Variants in ECE1 observed in about 807,000 individuals in gnomAD.
The protein encoded by ECE1 is endothelin-converting enzyme 1.
In ECE1, 35 loss-of-function variants were observed where a neutral mutation model predicts 98.6. The ratio of observed to expected loss-of-function variants is 0.35; its 90% CI spans 0.27 to 0.47. The LOEUF is 0.47. Among genes scored for constraint, ECE1 ranks in the 20% least tolerant of loss-of-function variants. The pLI is 1.00. For synonymous variants in ECE1, 394 were observed against 407.1 expected, an observed-to-expected ratio of 0.97 and a Z score of 0.39; for missense variants, 814 against 1,025.3, an observed-to-expected ratio of 0.79 and a Z score of 2.81.
intron 9 of ECE1, among the ~76,000 whole-genome samples, chr1:21,246,498 CAAAA>C (rs368916726): frequency 1.0e-5 from 1 of 96,718 alleles, no homozygotes. Flanking sequence ...GACTCCATCT[CAAAA>C]AAAAAAAAAA....
Position 21,260,135 on chromosome 1 carries a change from T to C in ECE1, c.615+136A>G. The C allele has an allele frequency of 7.4e-7, 1 of 1,352,122 alleles. No individual in the cohort carries two copies. The highest frequency in any genetic ancestry group is 1.2e-5 in the South Asian group (1 of 84,514). The allele number at this position is 1,352,122 out of a possible 1,614,324, so 83.8% of individuals were successfully genotyped here. A position where few individuals can be genotyped will look rare whatever the true frequency, so the allele number is the denominator to read the frequency against. ...TGTGCTCTCGCACACTCGCTCTCTC[T>C]CTTTCTGTCTTTCTCTTGGTGCTAC... On this transcript the variant is annotated intron_variant, in intron 5 of 18. Coordinates refer to ENST00000374893, the MANE Select transcript of ECE1 (RefSeq NM_001397.3). The surrounding 1 kb of genome is among the most constrained non-coding windows in gnomAD (Gnocchi z 4.3).
chr1:21,290,355 C>G lies in ECE1; in HGVS notation c.51+9G>C. The G allele has an allele frequency of 8.1e-7, 1 of 1,232,756 alleles. No homozygotes were observed. The allele number at this position is 1,232,756 out of a possible 1,614,324, so 76.4% of individuals were successfully genotyped here. On this transcript the variant is annotated intron_variant, in intron 1 of 18. Coordinates refer to ENST00000374893, the MANE Select transcript of ECE1 (RefSeq NM_001397.3). The surrounding 1 kb of genome is among the most constrained non-coding windows in gnomAD (Gnocchi z 7.3). Reference sequence around the variant, plus strand: ...CCCGCCCCCGCCCTCCAGGCCGCGCCCGCCTCACCCCCAGCGCCGACAGCA... The same window carrying G: ...CCCGCCCCCGCCCTCCAGGCCGCGCGCGCCTCACCCCCAGCGCCGACAGCA...
At chr1:21,315,386 T>A (rs1408187221) in intron 1 of ECE1, among the ~76,000 whole-genome samples, 3 of 152,328 alleles carry the variant, frequency 2.0e-5, no homozygotes, top group East Asian at 3.9e-4. Context: ...TCAGCCCCAA[T>A]GTCTGGGGTA....
intron 1 of ECE1, among the ~76,000 whole-genome samples, chr1:21,331,176 G>A (rs1639192753): frequency 6.6e-6 from 1 of 152,170 alleles, no homozygotes; most frequent in Non-Finnish European, 1.5e-5. Context: ...GCCGAGGCGG[G>A]TGGATCACTT....
rs1027870705 is a variant in ECE1 at position 21,225,090 on chromosome 1, A to C, written c.2040+160T>G. ...TGGTGGGGGAGCCTCCACGGTCGGCATCGCGATTGGTCCTCGCCACCCCCA... is the reference window on the plus strand; with the variant it reads ...TGGTGGGGGAGCCTCCACGGTCGGCCTCGCGATTGGTCCTCGCCACCCCCA... On this transcript the variant is annotated intron_variant, in intron 17 of 18. Transcript: ENST00000374893. The surrounding 1 kb of genome is among the most constrained non-coding windows in gnomAD (Gnocchi z 5.3). 1.3e-5 allele frequency among the ~76,000 whole-genome samples: 2 copies of C among 152,182 alleles called. No homozygotes were observed. The highest frequency in any genetic ancestry group is 2.9e-5 in the Non-Finnish European group (2 of 68,028).
intron 14 of ECE1, among the ~76,000 whole-genome samples, chr1:21,231,530 CG>C (rs1460379278): frequency 1.3e-4 from 20 of 152,020 alleles, no homozygotes; most frequent in African/African-American, 4.8e-4. Flanking sequence ...TTAGTAGAGA[CG>C]GGATTTCACC....
At chr1:21,343,688 G>A (rs1297456853) in intron 1 of ECE1, among the ~76,000 whole-genome samples, 1 of 152,330 alleles carries the variant, frequency 6.6e-6, no homozygotes, top group Non-Finnish European at 1.5e-5. Context: ...GGAAGTGGAG[G>A]GGATGGGGTT....
In ECE1 at chr1:21,340,969, G is replaced by A. The variant is rs986096548; in HGVS notation, c.3+4407C>T. ...GGCCACCTCCTAAGCACAGTCCTCCGTGCCTCCAGATGAACCATCCCTGAA... is the reference window on the plus strand; with the variant it reads ...GGCCACCTCCTAAGCACAGTCCTCCATGCCTCCAGATGAACCATCCCTGAA... On this transcript the variant is annotated intron_variant, in intron 1 of 18. Transcript: ENST00000415912. The surrounding 1 kb of genome is among the most constrained non-coding windows in gnomAD (Gnocchi z 4.6). Among the ~76,000 whole-genome samples the A allele has an allele frequency of 2.0e-5, 3 of 151,748 alleles. No homozygotes were observed. Among genetic ancestry groups the A allele is most frequent in the African/African-American group, 7.3e-5 (3 of 41,240 alleles).
chr1:21,333,236 G>C (rs982156985), intron 1 of ECE1, among the ~76,000 whole-genome samples: 1 of 150,248 alleles, frequency 6.7e-6, no homozygotes, highest in Non-Finnish European at 1.5e-5. Context: ...GGGGGGAGCT[G>C]CCCAGTTTTT....
At chr1:21,255,150 C>T (rs756431374) in intron 8 of ECE1, among the ~76,000 whole-genome samples, 28 of 152,158 alleles carry the variant, frequency 1.8e-4, no homozygotes, top group Admixed American at 1.4e-3. Flanking sequence ...GTAGAAGGAA[C>T]GGACAACAGG....
chr1:21,308,443 G>A (rs1000437232), intron 1 of ECE1, among the ~76,000 whole-genome samples: 1 of 152,148 alleles, frequency 6.6e-6, no homozygotes, highest in South Asian at 2.1e-4. Flanking sequence ...TCTGGAATTG[G>A]GAGTAACAAG....
chr1:21,287,081 G>A (rs1406583681), intron 2 of ECE1, among the ~76,000 whole-genome samples: 2 of 152,212 alleles, frequency 1.3e-5, no homozygotes, highest in Non-Finnish European at 2.9e-5. Flanking sequence ...CTGAAAAATG[G>A]AAGTGTTCAT....
At chr1:21,241,423 G>GT (rs1223983301) in intron 10 of ECE1, among the ~76,000 whole-genome samples, 22,365 of 133,332 alleles carry the variant, frequency 0.17, 2,198 homozygotes, top group South Asian at 0.28. Flanking sequence ...TGGTTGAGGT[G>GT]TTTTTTTTTT....
chr1:21,325,214 C>A (rs979322900), intron 1 of ECE1, among the ~76,000 whole-genome samples: 4 of 152,176 alleles, frequency 2.6e-5, no homozygotes, highest in African/African-American at 4.8e-5. Context: ...GGACCACCAA[C>A]CTGGTACCTG....
intron 1 of ECE1, among the ~76,000 whole-genome samples, chr1:21,343,654 T>C (rs1355872797): frequency 6.6e-6 from 1 of 152,208 alleles, no homozygotes; most frequent in Non-Finnish European, 1.5e-5. Context: ...GGGTGATGCT[T>C]CACCTAGACC....
At chr1:21,254,459 G>T (rs538873549) in intron 8 of ECE1, among the ~76,000 whole-genome samples, 5 of 152,204 alleles carry the variant, frequency 3.3e-5, no homozygotes, top group Admixed American at 6.5e-5. Context: ...TGGGAGGCAG[G>T]AAAAGCCTTT....
intron 2 of ECE1, among the ~76,000 whole-genome samples, chr1:21,289,360 C>T (rs1248329326): frequency 6.6e-6 from 1 of 152,180 alleles, no homozygotes; most frequent in East Asian, 1.9e-4. Flanking sequence ...CCAGTGCAGC[C>T]CCCCAGGGAC....
At chr1:21,287,458 G>C (rs1448709253) in intron 2 of ECE1, among the ~76,000 whole-genome samples, 1 of 151,922 alleles carries the variant, frequency 6.6e-6, no homozygotes, top group Non-Finnish European at 1.5e-5. Flanking sequence ...CCTGGGAGGC[G>C]GAGGTTGCAG....
rs185269577 is a variant in ECE1 at position 21,283,957 on chromosome 1, C to A, written c.139-4625G>T. Among the ~76,000 whole-genome samples the A allele has an allele frequency of 3.0e-4, 45 of 152,292 alleles. 1 individual carries two copies. The highest frequency in any genetic ancestry group is 6.2e-4 in the Non-Finnish European group (42 of 68,026). On this transcript the variant is annotated intron_variant, in intron 2 of 18. Coordinates refer to ENST00000374893, the MANE Select transcript of ECE1 (RefSeq NM_001397.3). ...CCTTGTCTCTAAAGGCAGAACGAAT[C>A]CAGATGCCTCACCCTGGGGCAGGAG...
Sources: allele counts gnomAD v4.1 joint callset (sites outside exome capture counted in the v4.1 genomes callset), GRCh38; gene constraint gnomAD v4.1.1; non-coding constraint Gnocchi (gnomAD v3.1); transcripts MANE v1.5; gene names NCBI Gene and HGNC (gene_info 2026-07-23, HGNC 2026-07-21).